Variants in CHCHD3 observed in about 807,000 individuals in gnomAD.
CHCHD3 encodes coiled-coil-helix-coiled-coil-helix domain containing 3, also known as MICOS complex subunit MIC19.
CHCHD3 carries 20 observed loss-of-function variants against 38.2 expected under a neutral mutation model. That is an observed-to-expected ratio of 0.52 (90% CI 0.37 to 0.76). The LOEUF is 0.76. Ranked by LOEUF, CHCHD3 falls within the 30% of genes least tolerant of loss-of-function variation. The pLI, the probability that CHCHD3 is intolerant of heterozygous loss-of-function variation, is 0.00. For missense variants in CHCHD3, 245 were observed against 279.2 expected, an observed-to-expected ratio of 0.88 and a Z score of 0.87; for synonymous variants, 82 against 100.0, an observed-to-expected ratio of 0.82 and a Z score of 1.07.
chr7:132,969,581 GC>G (rs1276760256), intron 4 of CHCHD3, among the ~76,000 whole-genome samples: 1 of 152,144 alleles, frequency 6.6e-6, no homozygotes, highest in Non-Finnish European at 1.5e-5. Context: ...TAGAAACCTT[GC>G]TTGTAGTTAG....
chr7:132,984,708 G>T (rs1262492168), intron 3 of CHCHD3, among the ~76,000 whole-genome samples: 2 of 148,568 alleles, frequency 1.3e-5, no homozygotes, highest in East Asian at 4.0e-4. Context: ...GTCTCTGCCC[G>T]GCCGCTCCGT....
chr7:132,830,753 G>A (rs1807626837), intron 6 of CHCHD3: 1 of 152,162 alleles, frequency 6.6e-6, no homozygotes, highest in African/African-American at 2.4e-5. Context: ...ATATACTATG[G>A]AAGTTGACAT....
rs566011670 is a variant in CHCHD3 at position 132,986,899 on chromosome 7, C to A, written c.252-11613G>T. 2.2e-3 allele frequency among the ~76,000 whole-genome samples: 342 copies of A among 152,246 alleles called. 3 individuals are homozygous for A. Among genetic ancestry groups the A allele is most frequent in the African/African-American group, 7.8e-3 (325 of 41,538 alleles). On this transcript the variant is annotated intron_variant, in intron 3 of 7. Transcript: ENST00000262570. ...GTCCTTATCTATAGAGCTGCTAACC[C>A]CTGAGCCTCATAGGGAAAAGATAAA...
At chr7:132,853,405 G>A (rs955870793) in intron 5 of CHCHD3, among the ~76,000 whole-genome samples, 2 of 152,160 alleles carry the variant, frequency 1.3e-5, no homozygotes, top group Admixed American at 6.5e-5. Flanking sequence ...CAGATCACCT[G>A]AGGTCAGGAG....
At chr7:132,899,255 C>G (rs1466387072) in intron 4 of CHCHD3, among the ~76,000 whole-genome samples, 1 of 152,148 alleles carries the variant, frequency 6.6e-6, no homozygotes, top group African/African-American at 2.4e-5. Context: ...AGCAGGAGAG[C>G]CTCAGACTGT....
intron 2 of CHCHD3, among the ~76,000 whole-genome samples, chr7:133,038,800 C>G (rs914843946): frequency 3.3e-5 from 5 of 152,236 alleles, no homozygotes; most frequent in Non-Finnish European, 7.3e-5. Flanking sequence ...CAAAATGTCA[C>G]TACATATTGG....
Position 132,985,861 on chromosome 7 carries a change from T to A in CHCHD3, c.252-10575A>T, listed in dbSNP as rs893399625. 9.2e-4 allele frequency among the ~76,000 whole-genome samples: 111 copies of A among 121,304 alleles called. No individual in the cohort carries two copies. In the Middle Eastern group the frequency reaches 0.016, roughly 17 times the overall value. The allele number at this position is 121,304 out of a possible 152,430, so 79.6% of individuals were successfully genotyped here. A position where few individuals can be genotyped will look rare whatever the true frequency, so the allele number is the denominator to read the frequency against. ...CTGCCCGGCCGCCCCTACTGGGAAG[T>A]GAGGAGCCCCTCTGCCCGGCCACCA... On this transcript the variant is annotated intron_variant, in intron 3 of 7. Transcript: ENST00000262570.
intron 3 of CHCHD3, among the ~76,000 whole-genome samples, chr7:133,006,428 C>T (rs1215766458): frequency 6.6e-6 from 1 of 151,906 alleles, no homozygotes; most frequent in African/African-American, 2.4e-5. Context: ...GATCGCGCCG[C>T]TGCACTCCAG....
At chr7:132,837,315 G>A (rs895108275) in intron 6 of CHCHD3, among the ~76,000 whole-genome samples, 1 of 152,112 alleles carries the variant, frequency 6.6e-6, no homozygotes, top group African/African-American at 2.4e-5. Flanking sequence ...AATAATATAT[G>A]TAGAGTAACT....
At chr7:132,919,161 T>G (rs1487805028) in intron 4 of CHCHD3, among the ~76,000 whole-genome samples, 1 of 129,538 alleles carries the variant, frequency 7.7e-6, no homozygotes, top group Non-Finnish European at 1.5e-5. Flanking sequence ...CAGGCTGGAG[T>G]GCAGTGGCGC....
intron 6 of CHCHD3, among the ~76,000 whole-genome samples, chr7:132,806,048 A>G (rs1563240709): frequency 6.6e-6 from 1 of 152,188 alleles, no homozygotes; most frequent in Non-Finnish European, 1.5e-5. Context: ...AAAGGGCAGA[A>G]AGGACAGCAG....
chr7:132,991,277 T>C (rs116312693), intron 3 of CHCHD3, among the ~76,000 whole-genome samples: 2,166 of 152,250 alleles, frequency 0.014, 53 homozygotes, highest in African/African-American at 0.049. Context: ...TGATTGTACA[T>C]TTTTTCATAT....
chr7:132,873,598 T>C (rs144131320), intron 5 of CHCHD3, among the ~76,000 whole-genome samples: 23 of 152,046 alleles, frequency 1.5e-4, no homozygotes, highest in Admixed American at 2.0e-4. Context: ...ACGTTGATGG[T>C]ACTGACACTG....
intron 3 of CHCHD3, among the ~76,000 whole-genome samples, chr7:132,987,668 T>C (rs950934440): frequency 2.6e-5 from 4 of 152,200 alleles, no homozygotes; most frequent in African/African-American, 9.6e-5. Flanking sequence ...ACTTATTTTA[T>C]GACAGGGACC....
At position 132,785,101 on chromosome 7, in the gene CHCHD3, G is replaced by A. The variant is rs552880581; in HGVS notation, c.*536C>T. 2 of 153,284 alleles carry A rather than the reference G, an allele frequency of 1.3e-5. No homozygotes were observed. Among genetic ancestry groups the A allele is most frequent in the South Asian group, 4.1e-4 (2 of 4,842 alleles). The allele number at this position is 153,284 out of a possible 1,614,324, so 9.5% of individuals were successfully genotyped here. A position where few individuals can be genotyped will look rare whatever the true frequency, so the allele number is the denominator to read the frequency against. On this transcript the variant is annotated 3_prime_UTR_variant, in exon 8 of 8. Coordinates refer to ENST00000262570, the MANE Select transcript of CHCHD3 (RefSeq NM_017812.4). ...AAATAGCTCTTACATAATCAAAGGAGAAAAGAAAGACAAAACCAACATGCC... is the reference window on the plus strand; with the variant it reads ...AAATAGCTCTTACATAATCAAAGGAAAAAAGAAAGACAAAACCAACATGCC...
intron 4 of CHCHD3, among the ~76,000 whole-genome samples, chr7:132,910,437 T>A (rs1205397075): frequency 2.0e-5 from 3 of 152,226 alleles, no homozygotes; most frequent in African/African-American, 4.8e-5. Flanking sequence ...TACTCTTTAT[T>A]CCTTAACTTT....
Position 132,796,447 on chromosome 7 carries a change from T to A in CHCHD3, c.655A>T (p.Lys219Ter). ...GGCCTGGCTGGCACACCTACCTGTT[T>A]GGCATGATTGACACAGTGCATATAC... is the stretch of plus-strand genomic sequence containing the variant. Reference protein sequence around the residue: ...TQYMHCVNHAKQSMLEKGG With the variant: ...TQYMHCVNHA The change falls in exon 7 of 8, where the codon AAA becomes TAA. Residue 219 changes from lysine (K) to a stop codon, truncating the protein, a stop_gained. Transcript: ENST00000262570. LOFTEE classifies it high-confidence loss of function. 1.9e-6 allele frequency: 3 copies of A among 1,613,774 alleles called. No individual in the cohort carries two copies. Among genetic ancestry groups the A allele is most frequent in the Non-Finnish European group, 2.5e-6 (3 of 1,179,760 alleles).
At chr7:133,041,901 C>G (rs1020777108) in intron 2 of CHCHD3, among the ~76,000 whole-genome samples, 1 of 152,184 alleles carries the variant, frequency 6.6e-6, no homozygotes, top group South Asian at 2.1e-4. Flanking sequence ...GCCTTTGATA[C>G]GCTAATAGTC....
At chr7:133,031,241 G>C (rs1205335691) in intron 2 of CHCHD3, among the ~76,000 whole-genome samples, 1 of 152,110 alleles carries the variant, frequency 6.6e-6, no homozygotes, top group East Asian at 1.9e-4. Context: ...AAATTCCTGT[G>C]TTTACCGAAA....
Sources: gnomAD v4.1 joint callset for allele counts (sites outside exome capture counted in the v4.1 genomes callset) on GRCh38, gnomAD v4.1.1 for gene constraint, MANE v1.5 for transcripts, NCBI Gene and HGNC (gene_info 2026-07-23, HGNC 2026-07-21) for gene names.